PCDHGB2: variants seen among roughly 807,000 people sequenced by gnomAD.
PCDHGB2 encodes protocadherin gamma subfamily B, 2, also known as protocadherin gamma-B2.
Under a neutral mutation model 59.3 loss-of-function variants are expected in PCDHGB2, and 55 were observed. The ratio of observed to expected loss-of-function variants is 0.93; its 90% CI spans 0.75 to 1.16. The LOEUF (loss-of-function observed/expected upper bound fraction) is 1.16. Among genes scored for constraint, PCDHGB2 ranks in the 50% most tolerant of loss-of-function variants. The pLI, the probability that PCDHGB2 is intolerant of heterozygous loss-of-function variation, is 0.00. For synonymous variants in PCDHGB2, 516 were observed against 512.0 expected (o/e 1.01, Z -0.11); for missense variants, 1,228 against 1,198.5 (o/e 1.02, Z -0.36).
intron 1 of PCDHGB2, 124 bp from the exon 2 acceptor site, chr5:141,494,683 C>G: frequency 6.4e-7 from 1 of 1,569,074 alleles, no homozygotes; most frequent in Non-Finnish European, 8.7e-7. Context: ...CCCCTGCCCC[C>G]TCTTAGTCCG....
At chr5:141,362,746 G>A (rs1247089931) in intron 1 of PCDHGB2, 190 bp downstream of exon 1, 1 of 702,364 alleles carries the variant, frequency 1.4e-6, no homozygotes, top group East Asian at 2.7e-5. Flanking sequence ...ACCCATGATT[G>A]CAAACCTTTA....
At chr5:141,418,823 A>G (rs985060966) in intron 1 of PCDHGB2, 7 of 1,613,868 alleles carry the variant, frequency 4.3e-6, no homozygotes, top group Admixed American at 3.3e-5. Context: ...CATAGAAGCA[A>G]AAGACCGAGG....
At chr5:141,409,145 T>G (rs2095231039) in intron 1 of PCDHGB2, 1 of 1,613,884 alleles carries the variant, frequency 6.2e-7, no homozygotes, top group Non-Finnish European at 8.5e-7. Flanking sequence ...TGTAGAAAGG[T>G]ACACCATGGA....
rs769074023 is a variant in PCDHGB2 at position 141,491,738 on chromosome 5, G to T, written c.2422-3069G>T. On this transcript the variant is annotated intron_variant, in intron 1 of 3. Transcript: ENST00000522605. The surrounding 1 kb of genome is among the most constrained non-coding windows in gnomAD (Gnocchi z 6.9). The stretch of plus-strand genomic sequence containing the variant: ...GCGCCGCCCCGGGCGACCCCTGGGG[G>T]CGGCACTGGAGAAGCCGCCCGTCCT... 38 of 1,600,228 alleles carry T rather than the reference G, an allele frequency of 2.4e-5. No homozygotes were observed. The highest frequency in any genetic ancestry group is 3.1e-5 in the Non-Finnish European group (36 of 1,174,204).
At position 141,361,597 on chromosome 5, in the gene PCDHGB2, TCCTA is replaced by T; in HGVS notation, c.1464_1467del (p.Tyr489ProfsTer3). The T allele has an allele frequency of 6.2e-7, 1 of 1,614,048 alleles. No homozygotes were observed. Among genetic ancestry groups the T allele is most frequent in the Non-Finnish European group, 8.5e-7 (1 of 1,179,904 alleles). On this transcript the variant is annotated frameshift_variant, in exon 1 of 4. Coordinates refer to ENST00000522605, the MANE Select transcript of PCDHGB2 (RefSeq NM_018923.3). LOFTEE classifies it high-confidence loss of function. ...TGACTTGGGCCCCAGTGGCCAAGTT[TCCTA>T]CTCCATCGTAGCGAGCGACCTGAAG...
At chr5:141,500,475 C>T (rs1193752670) in intron 2 of PCDHGB2, among the ~76,000 whole-genome samples, 1 of 152,024 alleles carries the variant, frequency 6.6e-6, no homozygotes, top group African/African-American at 2.4e-5. Flanking sequence ...TCCCAAAGTG[C>T]TGGGATTACA....
chr5:141,431,036 G>A lies in PCDHGB2; in HGVS notation c.2422-63771G>A. The A allele has an allele frequency of 6.2e-7, 1 of 1,614,204 alleles. No individual in the cohort carries two copies. Among genetic ancestry groups the A allele is most frequent in the Non-Finnish European group, 8.5e-7 (1 of 1,180,034 alleles). ...GGTCACGGCGGGCAGGATAGACCGG[G>A]AGGAGCTCTGTATGGGGGCCATCAA... On this transcript the variant is annotated intron_variant, in intron 1 of 3. Coordinates refer to ENST00000522605, the MANE Select transcript of PCDHGB2 (RefSeq NM_018923.3). This position sits in a 1 kb window ranked among gnomAD's most constrained non-coding sequence, Gnocchi z 4.8.
chr5:141,378,005 T>G (rs1425146532), intron 1 of PCDHGB2: 7 of 152,232 alleles, frequency 4.6e-5, no homozygotes, highest in Admixed American at 4.6e-4. Flanking sequence ...TTGGCTCAAA[T>G]AAGCTCTACT....
chr5:141,473,857 G>A (rs981688765), intron 1 of PCDHGB2, among the ~76,000 whole-genome samples: 1 of 152,164 alleles, frequency 6.6e-6, no homozygotes, highest in Non-Finnish European at 1.5e-5. Context: ...GATGAACCTC[G>A]CTATTGTGGA....
chr5:141,511,002 C>T lies in PCDHGB2; in HGVS notation c.2625C>T (p.Ser875=), dbSNP rs143630962. 77 of 1,614,140 alleles carry T rather than the reference C, an allele frequency of 4.8e-5. No individual in the cohort carries two copies. Among genetic ancestry groups the T allele is most frequent in the South Asian group, 2.1e-4 (19 of 91,080 alleles). ...GGGGTGCCGGCACCATGGGATTGAG[C>T]GCCCGCTACGGACCCCAGTTCACCC... The part of the protein sequence containing the change: ...LGGGAGTMGL[S]ARYGPQFTLQ... Residue 875 remains serine (S), a synonymous_variant, in exon 4 of 4, where the codon AGC becomes AGT. Coordinates refer to ENST00000522605, the MANE Select transcript of PCDHGB2 (RefSeq NM_018923.3).
At chr5:141,428,196 C>A in intron 1 of PCDHGB2, 2 of 1,383,704 alleles carry the variant, frequency 1.4e-6, no homozygotes, top group Non-Finnish European at 2.0e-6. Context: ...CCGCTCTCTG[C>A]GCCGCTACGC....
chr5:141,395,221 A>G, intron 1 of PCDHGB2: 1 of 1,611,672 alleles, frequency 6.2e-7, no homozygotes, highest in Non-Finnish European at 8.5e-7. Context: ...TATAAGAATG[A>G]AGCTGATCAT....
intron 1 of PCDHGB2, chr5:141,399,606 G>A: frequency 1.2e-6 from 2 of 1,613,956 alleles, no homozygotes; most frequent in Non-Finnish European, 1.7e-6. Context: ...GCGACCTAGA[G>A]CCTCTGGCAC....
intron 2 of PCDHGB2, 50 bp from the exon 3 acceptor site, chr5:141,505,343 G>A: frequency 1.9e-6 from 3 of 1,612,934 alleles, no homozygotes; most frequent in Non-Finnish European, 2.5e-6. Flanking sequence ...GGAGGGGCAT[G>A]AGCTGTGCCG....
rs1399844519 is a variant in PCDHGB2 at position 141,477,484 on chromosome 5, A to G, written c.2422-17323A>G. 1.2e-6 allele frequency: 2 copies of G among 1,614,014 alleles called. No homozygotes were observed. The highest frequency in any genetic ancestry group is 1.7e-6 in the Non-Finnish European group (2 of 1,180,006). ...CCGACATCAATGACAACCCTCCACAATCTTCTCAATCTTCCTACGACGTTT... is the reference window on the plus strand; with the variant it reads ...CCGACATCAATGACAACCCTCCACAGTCTTCTCAATCTTCCTACGACGTTT... On this transcript the variant is annotated intron_variant, in intron 1 of 3. Coordinates refer to ENST00000522605, the MANE Select transcript of PCDHGB2 (RefSeq NM_018923.3). This position sits in a 1 kb window ranked among gnomAD's most constrained non-coding sequence, Gnocchi z 4.9.
intron 3 of PCDHGB2, among the ~76,000 whole-genome samples, chr5:141,508,761 C>G (rs943236216): frequency 6.6e-6 from 1 of 151,974 alleles, no homozygotes; most frequent in Admixed American, 6.6e-5. Context: ...TCTGGCGCCT[C>G]TGAGGTCCCC....
At chr5:141,405,868 C>T (rs528188485) in intron 1 of PCDHGB2, among the ~76,000 whole-genome samples, 1 of 152,280 alleles carries the variant, frequency 6.6e-6, no homozygotes, top group Non-Finnish European at 1.5e-5. Context: ...TCACTTTTCA[C>T]TGGGCCTAAT....
chr5:141,499,921 C>A, intron 2 of PCDHGB2, among the ~76,000 whole-genome samples: 1 of 152,128 alleles, frequency 6.6e-6, no homozygotes, highest in Middle Eastern at 3.2e-3. Context: ...CTCCTGGCCT[C>A]AAGTGATCCA....
At chr5:141,396,974 T>C (rs947865597) in intron 1 of PCDHGB2, among the ~76,000 whole-genome samples, 3 of 152,218 alleles carry the variant, frequency 2.0e-5, no homozygotes, top group Admixed American at 6.5e-5. Flanking sequence ...CCTAAAAATG[T>C]TGGCTAGTTG....
Sources: allele counts gnomAD v4.1 joint callset (sites outside exome capture counted in the v4.1 genomes callset), GRCh38; gene constraint gnomAD v4.1.1; non-coding constraint Gnocchi (gnomAD v3.1); transcripts MANE v1.5; gene names NCBI Gene and HGNC (gene_info 2026-07-23, HGNC 2026-07-21).